The following AGAP1 variants were observed in gnomAD, a reference collection of about 807,000 sequenced individuals.
AGAP1 encodes arf-GAP with GTPase, ANK repeat and PH domain-containing protein 1.
Under a neutral mutation model 105.3 loss-of-function variants are expected in AGAP1, and 29 were observed. That is an observed-to-expected ratio of 0.28 (90% CI 0.21 to 0.38). AGAP1 has a LOEUF of 0.38. Ranked by LOEUF, AGAP1 falls within the 10% of genes least tolerant of loss-of-function variation. The pLI is 1.00. For missense variants in AGAP1, 998 were observed against 1,165.1 expected (o/e 0.86, Z 2.09); for synonymous variants, 509 against 485.9 (o/e 1.05, Z -0.63).
chr2:235,550,422 C>G lies in AGAP1; in HGVS notation c.163+55573C>G, dbSNP rs559817815. ...CATTGGGAGTCACTGAGCATGCACA[C>G]GGGCTGTCAGGTCCTGGTCCCAGCT... On this transcript the variant is annotated intron_variant, in intron 1 of 17. Transcript: ENST00000304032. The surrounding 1 kb of genome is among the most constrained non-coding windows in gnomAD (Gnocchi z 4.6). Among the ~76,000 whole-genome samples the G allele has an allele frequency of 6.6e-6, 1 of 152,228 alleles. No individual in the cohort carries two copies. The highest frequency in any genetic ancestry group is 2.1e-4 in the South Asian group (1 of 4,832).
intron 6 of AGAP1, among the ~76,000 whole-genome samples, chr2:235,760,678 T>C (rs1204057773): frequency 6.6e-6 from 1 of 152,200 alleles, no homozygotes; most frequent in Non-Finnish European, 1.5e-5. Flanking sequence ...TTCAGACTCT[T>C]GGGCTCAAGC....
At position 236,045,954 on chromosome 2, in the gene AGAP1, C is replaced by T. The variant is rs1207573878; in HGVS notation, c.1892-3105C>T. ...TTTTGGGTTTCAGAGAATTCGGAGTCCGGCACAGGAATGTGTCCCACGCAT... is the reference window on the plus strand; with the variant it reads ...TTTTGGGTTTCAGAGAATTCGGAGTTCGGCACAGGAATGTGTCCCACGCAT... On this transcript the variant is annotated intron_variant, in intron 15 of 17. Transcript: ENST00000304032. The surrounding 1 kb of genome is among the most constrained non-coding windows in gnomAD (Gnocchi z 6.9). The T allele has an allele frequency of 4.0e-5, 19 of 471,534 alleles. No homozygotes were observed. Among genetic ancestry groups the T allele is most frequent in the Non-Finnish European group, 7.9e-5 (18 of 227,128 alleles). 29.2% of individuals were successfully genotyped at this position (471,534 alleles called of 1,614,324 possible).
chr2:235,853,132 A>G (rs1474116179), intron 9 of AGAP1: 5 of 1,186,452 alleles, frequency 4.2e-6, no homozygotes, highest in Non-Finnish European at 5.2e-6. Context: ...AGAAAAAAAC[A>G]TTTACTGGCG....
chr2:235,774,153 C>G (rs141885515), intron 6 of AGAP1: 1 of 379,878 alleles, frequency 2.6e-6, no homozygotes, highest in Non-Finnish European at 5.3e-6. Flanking sequence ...AAATTCAACT[C>G]ATAAATAAAT....
At chr2:235,581,667 G>A (rs553297539) in intron 1 of AGAP1, among the ~76,000 whole-genome samples, 62 of 151,746 alleles carry the variant, frequency 4.1e-4, no homozygotes, top group Non-Finnish European at 6.6e-4. Flanking sequence ...TTAGCCGGGT[G>A]TAGTGGTGCA....
chr2:236,047,566 C>A (rs1434827072), intron 15 of AGAP1, among the ~76,000 whole-genome samples: 2 of 145,046 alleles, frequency 1.4e-5, no homozygotes, highest in African/African-American at 5.2e-5. Flanking sequence ...GTCAGAACCT[C>A]TCTGAGGTCA....
chr2:235,579,652 T>C (rs1339995919), intron 1 of AGAP1, among the ~76,000 whole-genome samples: 1 of 151,952 alleles, frequency 6.6e-6, no homozygotes, highest in East Asian at 1.9e-4. Context: ...GGTGGGCACC[T>C]GTAGTCCCAG....
At chr2:235,969,057 G>A (rs959677760) in intron 13 of AGAP1, among the ~76,000 whole-genome samples, 1 of 152,202 alleles carries the variant, frequency 6.6e-6, no homozygotes, top group African/African-American at 2.4e-5. Flanking sequence ...CACCTGCCTT[G>A]ATTTCAGCTT....
chr2:235,700,603 C>T lies in AGAP1; in HGVS notation c.164-8576C>T, dbSNP rs1950199470. 1.3e-5 allele frequency among the ~76,000 whole-genome samples: 2 copies of T among 152,064 alleles called. No homozygotes were observed. The stretch of plus-strand genomic sequence containing the variant: ...TCATTTGAAGTCAGGAGTTCCAGAC[C>T]AGCCTGGGGAACATGGCGAAACCCC... On this transcript the variant is annotated intron_variant, in intron 1 of 17. Coordinates refer to ENST00000304032, the MANE Select transcript of AGAP1 (RefSeq NM_001037131.3). This position sits in a 1 kb window ranked among gnomAD's most constrained non-coding sequence, Gnocchi z 6.1.
chr2:235,571,192 A>T (rs186933156), intron 1 of AGAP1, among the ~76,000 whole-genome samples: 1 of 151,954 alleles, frequency 6.6e-6, no homozygotes, highest in Admixed American at 6.6e-5. Context: ...TGAAGGATCC[A>T]CCCCATGATC....
In AGAP1 at chr2:236,011,860, G is replaced by C. The variant is rs191218636; in HGVS notation, c.1646-24701G>C. On this transcript the variant is annotated intron_variant, in intron 13 of 17. Coordinates refer to ENST00000304032, the MANE Select transcript of AGAP1 (RefSeq NM_001037131.3). ...GCTGCCAGTGGTGGGCAGTGGCTGG[G>C]TGGCACCAAACATCAGCTCGGAGCC... 6.1e-3 allele frequency among the ~76,000 whole-genome samples: 927 copies of C among 152,168 alleles called. 11 individuals are homozygous for C. Among genetic ancestry groups the C allele is most frequent in the Middle Eastern group, 0.02 (6 of 294 alleles).
At chr2:235,980,964 T>G (rs925717488) in intron 13 of AGAP1, among the ~76,000 whole-genome samples, 1 of 152,242 alleles carries the variant, frequency 6.6e-6, no homozygotes, top group Non-Finnish European at 1.5e-5. Context: ...AAAACTGGTA[T>G]AAACCAAGAT....
chr2:235,910,444 A>G (rs936040493), intron 11 of AGAP1, among the ~76,000 whole-genome samples: 4 of 152,184 alleles, frequency 2.6e-5, no homozygotes, highest in African/African-American at 7.2e-5. Flanking sequence ...AGGGGCTTCT[A>G]TGACCTGCTG....
chr2:235,748,042 A>G (rs763367339), intron 5 of AGAP1, among the ~76,000 whole-genome samples: 32 of 152,380 alleles, frequency 2.1e-4, no homozygotes, highest in Middle Eastern at 3.4e-3. Context: ...TGAGGTAATC[A>G]TTTAATGTTT....
chr2:235,774,059 G>A (rs1955669682), intron 6 of AGAP1: 1 of 438,322 alleles, frequency 2.3e-6, no homozygotes, highest in African/African-American at 2.1e-5. Flanking sequence ...ATGAACAAAA[G>A]TTAAATTTCT....
At chr2:236,049,842 C>T (rs1036465530) in intron 16 of AGAP1, 2 of 152,264 alleles carry the variant, frequency 1.3e-5, no homozygotes, top group Admixed American at 1.3e-4. Flanking sequence ...ATTTTGAGGC[C>T]ATTTAGTTTC....
At chr2:235,868,373 G>A (rs2049281735) in intron 9 of AGAP1, among the ~76,000 whole-genome samples, 2 of 152,184 alleles carry the variant, frequency 1.3e-5, no homozygotes, top group Non-Finnish European at 2.9e-5. Context: ...TCAGTCAGAT[G>A]CATGCACGGC....
intron 1 of AGAP1, among the ~76,000 whole-genome samples, chr2:235,521,742 ATGTGTGTG>A (rs59090836): frequency 8.2e-6 from 1 of 121,528 alleles, no homozygotes; most frequent in Non-Finnish European, 1.8e-5. Context: ...TGTTATATAT[ATGTGTGTG>A]TGTGTGTGTG....
intron 10 of AGAP1, among the ~76,000 whole-genome samples, chr2:235,898,793 C>T (rs1367109342): frequency 2.0e-5 from 3 of 152,000 alleles, no homozygotes; most frequent in African/African-American, 7.2e-5. Flanking sequence ...AATGACAGGC[C>T]CCCAGTGTGC....
Sources: gnomAD v4.1 joint callset for allele counts (sites outside exome capture counted in the v4.1 genomes callset) on GRCh38, gnomAD v4.1.1 for gene constraint, Gnocchi (gnomAD v3.1) non-coding constraint, MANE v1.5 for transcripts, NCBI Gene and HGNC (gene_info 2026-07-23, HGNC 2026-07-21) for gene names.